C19orf47: variants seen among roughly 807,000 people sequenced by gnomAD.
C19orf47 encodes the protein chromosome 19 open reading frame 47.
C19orf47 carries 18 observed loss-of-function variants against 32.3 expected under a neutral mutation model. The ratio of observed to expected loss-of-function variants is 0.56; its 90% CI spans 0.39 to 0.83. The LOEUF is 0.83. Among genes scored for constraint, C19orf47 ranks in the 40% least tolerant of loss-of-function variants. The pLI, the probability that C19orf47 is intolerant of heterozygous loss-of-function variation, is 0.00. For synonymous variants in C19orf47, 202 were observed against 211.1 expected (o/e 0.96, Z 0.37); for missense variants, 484 against 531.6 (o/e 0.91, Z 0.88).
At chr19:40,334,551 C>T (rs1367511230) in intron 4 of C19orf47, among the ~76,000 whole-genome samples, 1 of 152,098 alleles carries the variant, frequency 6.6e-6, no homozygotes, top group Non-Finnish European at 1.5e-5. Context: ...AGTTCAAGAC[C>T]ACCCTGGGCA....
chr19:40,311,393 T>A, the C19orf47 span, among the ~76,000 whole-genome samples: 3 of 143,642 alleles, frequency 2.1e-5, no homozygotes, highest in African/African-American at 7.9e-5. Flanking sequence ...AAAAAAAAAA[T>A]TAGCCAAACG....
chr19:40,314,989 C>A (rs2077652352), downstream of C19orf47, among the ~76,000 whole-genome samples: 2 of 152,168 alleles, frequency 1.3e-5, no homozygotes, highest in African/African-American at 4.8e-5. Flanking sequence ...CTGACCAGAA[C>A]TCTTCGAAAC....
the C19orf47 span, among the ~76,000 whole-genome samples, chr19:40,299,223 T>A: frequency 6.6e-6 from 1 of 152,152 alleles, no homozygotes; most frequent in Non-Finnish European, 1.5e-5. Flanking sequence ...TATATAACTT[T>A]ATTTGCCTTC....
chr19:40,307,930 TG>T, the C19orf47 span, among the ~76,000 whole-genome samples: 2 of 151,828 alleles, frequency 1.3e-5, no homozygotes, highest in East Asian at 3.9e-4. Context: ...CCCAAGTAGC[TG>T]GGATTACAGT....
the C19orf47 span, among the ~76,000 whole-genome samples, chr19:40,303,679 C>T: frequency 1.9e-4 from 29 of 151,954 alleles, no homozygotes; most frequent in Non-Finnish European, 3.2e-4. Flanking sequence ...TGGCATGCGC[C>T]TGTAGTCCCA....
At chr19:40,324,183 C>G (rs2077781521) in intron 7 of C19orf47, 107 bp from the exon 8 acceptor site, 2 of 1,064,360 alleles carry the variant, frequency 1.9e-6, no homozygotes, top group Admixed American at 1.8e-5. Context: ...CTGGGACAGG[C>G]AGGGCCAGAC....
chr19:40,331,764 C>A (rs373875331), intron 5 of C19orf47, among the ~76,000 whole-genome samples: 54 of 152,246 alleles, frequency 3.5e-4, no homozygotes, highest in African/African-American at 1.2e-3. Flanking sequence ...CTGTCGGGTG[C>A]GGTGGCTAAT....
chr19:40,327,392 G>T (rs1405614948), intron 6 of C19orf47, among the ~76,000 whole-genome samples: 1 of 151,252 alleles, frequency 6.6e-6, no homozygotes, highest in Non-Finnish European at 1.5e-5. Flanking sequence ...GGGCTCAAGT[G>T]ATCCTCCTGC....
chr19:40,315,995 A>G (rs2077659488), downstream of C19orf47, among the ~76,000 whole-genome samples: 1 of 151,598 alleles, frequency 6.6e-6, no homozygotes, highest in Non-Finnish European at 1.5e-5. Flanking sequence ...AATAAAGTCT[A>G]TTACAAAAAA....
At chr19:40,308,707 G>A in the C19orf47 span, among the ~76,000 whole-genome samples, 6 of 151,326 alleles carry the variant, frequency 4.0e-5, no homozygotes, top group Non-Finnish European at 8.9e-5. Flanking sequence ...CAAGTGATCC[G>A]CCCGCCTCAG....
intron 1 of C19orf47, among the ~76,000 whole-genome samples, chr19:40,344,867 A>C (rs1189946550): frequency 6.6e-6 from 1 of 152,190 alleles, no homozygotes; most frequent in African/African-American, 2.4e-5. Context: ...GGAAAGTTAC[A>C]GATGAGAATG....
chr19:40,303,670 G>A, the C19orf47 span, among the ~76,000 whole-genome samples: 1 of 151,848 alleles, frequency 6.6e-6, no homozygotes, highest in Non-Finnish European at 1.5e-5. Flanking sequence ...CGGGCGTGGT[G>A]GCATGCGCCT....
At chr19:40,338,334 CACAAATATATATAT>C (rs2078110610) in intron 2 of C19orf47, among the ~76,000 whole-genome samples, 1 of 144,610 alleles carries the variant, frequency 6.9e-6, no homozygotes, top group African/African-American at 2.6e-5. Context: ...TATATATATA[CACAAATATATATAT>C]ACACACACAC....
At chr19:40,309,802 C>T in the C19orf47 span, among the ~76,000 whole-genome samples, 2 of 152,120 alleles carry the variant, frequency 1.3e-5, no homozygotes, top group East Asian at 3.9e-4. Context: ...AAATGCAAAT[C>T]AACACCACAG....
At chr19:40,343,201 G>A (rs991002843) in intron 1 of C19orf47, among the ~76,000 whole-genome samples, 8 of 151,892 alleles carry the variant, frequency 5.3e-5, no homozygotes, top group African/African-American at 1.5e-4. Flanking sequence ...TCTATCTACC[G>A]CAGCCCCCAA....
intron 1 of C19orf47, among the ~76,000 whole-genome samples, chr19:40,342,987 A>G (rs572578813): frequency 3.9e-5 from 6 of 152,314 alleles, no homozygotes; most frequent in East Asian, 1.9e-4. Context: ...TGTTAAGGAC[A>G]TATTAGCACC....
intron 5 of C19orf47, 50 bp from the exon 6 acceptor site, chr19:40,328,600 C>G: frequency 3.2e-6 from 5 of 1,558,986 alleles, no homozygotes; most frequent in Non-Finnish European, 4.3e-6. Context: ...GGAAGACAGG[C>G]CTCAATCCAG....
At chr19:40,313,550 C>T in the C19orf47 span, among the ~76,000 whole-genome samples, 2 of 152,174 alleles carry the variant, frequency 1.3e-5, no homozygotes, top group African/African-American at 4.8e-5. Context: ...GTCTGGAACT[C>T]CTGGGCTGAA....
chr19:40,333,173 G>A (rs528345981), intron 5 of C19orf47, among the ~76,000 whole-genome samples: 43 of 151,954 alleles, frequency 2.8e-4, no homozygotes, highest in Admixed American at 6.6e-4. Context: ...CAGGAGGATC[G>A]CTTGAACCCG....
Sources: allele counts gnomAD v4.1 joint callset (sites outside exome capture counted in the v4.1 genomes callset), GRCh38; gene constraint gnomAD v4.1.1; transcripts MANE v1.5; gene names NCBI Gene and HGNC (gene_info 2026-07-23, HGNC 2026-07-21).